Variants in DCAF5 observed in about 807,000 individuals in gnomAD.
DCAF5 encodes the protein DDB1 and CUL4 associated factor 5.
DCAF5 carries 9 observed loss-of-function variants against 80.7 expected under a neutral mutation model. The observed-to-expected ratio is 0.11, with a 90% confidence interval of 0.07 to 0.19. The LOEUF is 0.19. Among genes scored for constraint, DCAF5 ranks in the 10% least tolerant of loss-of-function variants. The probability of loss-of-function intolerance (pLI) is 1.00; values close to 1 mark genes in which losing one functional copy is unlikely to be tolerated. For synonymous variants in DCAF5, 433 were observed against 461.9 expected (o/e 0.94, Z 0.80); for missense variants, 842 against 1,205.7 (o/e 0.70, Z 4.47).
chr14:69,071,164 A>G (rs867183154), intron 7 of DCAF5, among the ~76,000 whole-genome samples: 5 of 152,148 alleles, frequency 3.3e-5, no homozygotes, highest in Admixed American at 6.5e-5. Context: ...ATTGGACCTG[A>G]TCTTCCCTGG....
Position 69,055,755 on chromosome 14 carries a change from T to A in DCAF5, c.1075-144A>T, listed in dbSNP as rs1217718176. ...ACTTGCTAACCAACTTAAAAATAAGTTCTTTACCAGACTGGATCATGTGGG... is the reference window on the plus strand; with the variant it reads ...ACTTGCTAACCAACTTAAAAATAAGATCTTTACCAGACTGGATCATGTGGG... On this transcript the variant is annotated intron_variant, in intron 8 of 8. Coordinates refer to ENST00000341516, the MANE Select transcript of DCAF5 (RefSeq NM_003861.3). This position sits in a 1 kb window ranked among gnomAD's most constrained non-coding sequence, Gnocchi z 5.6. The A allele has an allele frequency of 1.2e-6, 1 of 841,144 alleles. No homozygotes were observed. The highest frequency in any genetic ancestry group is 1.8e-6 in the Non-Finnish European group (1 of 550,388). The allele number at this position is 841,144 out of a possible 1,614,324, so 52.1% of individuals were successfully genotyped here. A position where few individuals can be genotyped will look rare whatever the true frequency, so the allele number is the denominator to read the frequency against.
chr14:69,099,581 A>G (rs189025999), intron 5 of DCAF5, among the ~76,000 whole-genome samples: 1 of 152,300 alleles, frequency 6.6e-6, no homozygotes, highest in Admixed American at 6.5e-5. Flanking sequence ...TCCATGTGCT[A>G]ATCATGTAAG....
Position 69,054,478 on chromosome 14 carries a change from C to T in DCAF5, c.2208G>A (p.Glu736=), listed in dbSNP as rs769538723. Residue 736 remains glutamate, a synonymous_variant, in exon 9 of 9, where the codon GAG becomes GAA. Coordinates refer to ENST00000341516, the MANE Select transcript of DCAF5 (RefSeq NM_003861.3). ...EGCSKDTFKE[E]TPRTPSNGPG... is the part of the protein sequence containing the mutation. ...GGCCATTGCTGGGAGTTCTAGGAGTCTCTTCTTTAAAAGTGTCCTTGCTGC... is the reference window on the plus strand; with the variant it reads ...GGCCATTGCTGGGAGTTCTAGGAGTTTCTTCTTTAAAAGTGTCCTTGCTGC... 5.0e-5 allele frequency: 80 copies of T among 1,614,000 alleles called. No homozygotes were observed. Among genetic ancestry groups the T allele is most frequent in the Non-Finnish European group, 6.4e-5 (75 of 1,180,024 alleles).
chr14:69,134,395 G>GA (rs1319204066), intron 1 of DCAF5, among the ~76,000 whole-genome samples: 2 of 152,282 alleles, frequency 1.3e-5, no homozygotes, highest in Middle Eastern at 3.4e-3. Context: ...AGTCAACTTA[G>GA]AAAAAATGTT....
At chr14:69,102,258 G>A (rs983955480) in intron 5 of DCAF5, among the ~76,000 whole-genome samples, 6 of 151,580 alleles carry the variant, frequency 4.0e-5, no homozygotes, top group Admixed American at 3.3e-4. Context: ...ACAGGCACAC[G>A]TCACCATGCC....
intron 1 of DCAF5, among the ~76,000 whole-genome samples, chr14:69,125,457 T>C (rs2040844983): frequency 6.6e-6 from 1 of 152,144 alleles, no homozygotes. Flanking sequence ...AAAACTCCAA[T>C]AGGAAAAGAG....
At chr14:69,069,453 G>C (rs376757505) in intron 7 of DCAF5, among the ~76,000 whole-genome samples, 1 of 152,226 alleles carries the variant, frequency 6.6e-6, no homozygotes, top group South Asian at 2.1e-4. Flanking sequence ...TTTAAAAAGG[G>C]AGAAGGCCTT....
chr14:69,116,921 T>C (rs1033809880), intron 4 of DCAF5, among the ~76,000 whole-genome samples: 8 of 152,112 alleles, frequency 5.3e-5, no homozygotes, highest in African/African-American at 1.9e-4. Flanking sequence ...ATGCACAGAT[T>C]TGATGAAGAT....
At chr14:69,120,628 C>T (rs779150946) in intron 2 of DCAF5, among the ~76,000 whole-genome samples, 1 of 152,138 alleles carries the variant, frequency 6.6e-6, no homozygotes, top group Non-Finnish European at 1.5e-5. Context: ...CCAACAGTCA[C>T]TTAAATAGAA....
In DCAF5 at chr14:69,055,639, A is replaced by G. The variant is rs756417324; in HGVS notation, c.1075-28T>C. 6.4e-7 allele frequency: 1 copy of G among 1,568,032 alleles called. No individual in the cohort carries two copies. ...GAACAGAAAATGAAAAACAAAAGCA[A>G]CAAGGAGTAACTGGAAAGTATTCTT... On this transcript the variant is annotated intron_variant, in intron 8 of 8. Coordinates refer to ENST00000341516, the MANE Select transcript of DCAF5 (RefSeq NM_003861.3). This position sits in a 1 kb window ranked among gnomAD's most constrained non-coding sequence, Gnocchi z 5.6.
At chr14:69,057,805 T>C (rs2038033381) in intron 8 of DCAF5, among the ~76,000 whole-genome samples, 1 of 152,008 alleles carries the variant, frequency 6.6e-6, no homozygotes, top group South Asian at 2.1e-4. Context: ...TCTCATCCAA[T>C]CCTAAGATTC....
Position 69,152,488 on chromosome 14 carries a change from C to T in DCAF5, c.214+277G>A, listed in dbSNP as rs2041738549. 2.8e-6 allele frequency: 1 copy of T among 353,718 alleles called. No homozygotes were observed. The highest frequency in any genetic ancestry group is 2.1e-5 in the African/African-American group (1 of 47,478). 21.9% of individuals were successfully genotyped at this position (353,718 alleles called of 1,614,324 possible). ...TAACCTCGCCCCCCTCCCCGACCTA[C>T]ACTTTCAGGGCAGGCATCAGGAGAG... On this transcript the variant is annotated intron_variant, in intron 1 of 8. Coordinates refer to ENST00000341516, the MANE Select transcript of DCAF5 (RefSeq NM_003861.3). The surrounding 1 kb of genome is among the most constrained non-coding windows in gnomAD (Gnocchi z 4.1).
At chr14:69,079,619 T>G (rs1477251860) in intron 6 of DCAF5, among the ~76,000 whole-genome samples, 2 of 152,102 alleles carry the variant, frequency 1.3e-5, no homozygotes, top group African/African-American at 2.4e-5. Context: ...CTGCTGACTA[T>G]AAGGACAGAA....
intron 1 of DCAF5, among the ~76,000 whole-genome samples, chr14:69,138,645 C>G (rs2041264548): frequency 6.6e-6 from 1 of 152,230 alleles, no homozygotes; most frequent in South Asian, 2.1e-4. Context: ...GTACTACTCA[C>G]TAGTTGTAAC....
At chr14:69,085,179 G>C (rs567732127) in intron 6 of DCAF5, 1 of 734,104 alleles carries the variant, frequency 1.4e-6, no homozygotes, top group African/African-American at 1.7e-5. Flanking sequence ...GATCTTTAAT[G>C]TTTAATAACT....
chr14:69,085,451 T>C (rs1359146810), intron 6 of DCAF5: 1 of 418,928 alleles, frequency 2.4e-6, no homozygotes. Context: ...CCTCCCTTGA[T>C]TTAACAGGAT....
Position 69,053,788 on chromosome 14 carries a change from T to C in DCAF5, c.*69A>G. The C allele has an allele frequency of 4.2e-6, 6 of 1,444,814 alleles. No individual in the cohort carries two copies. The highest frequency in any genetic ancestry group is 1.4e-5 in the South Asian group (1 of 71,848). The allele number at this position is 1,444,814 out of a possible 1,614,324, so 89.5% of individuals were successfully genotyped here. The stretch of plus-strand genomic sequence containing the variant: ...TAATACTTGTTTTTCCTTTCCTCTG[T>C]ATTCACTAAACAATTTTTTTTTTTT... On this transcript the variant is annotated 3_prime_UTR_variant, in exon 9 of 9. Transcript: ENST00000341516.
At chr14:69,076,486 AC>A (rs2038903283) in intron 6 of DCAF5, among the ~76,000 whole-genome samples, 1 of 152,272 alleles carries the variant, frequency 6.6e-6, no homozygotes, top group Non-Finnish European at 1.5e-5. Context: ...GACACATGCT[AC>A]AACATGGATA....
At chr14:69,114,289 G>T (rs552408354) in intron 5 of DCAF5, among the ~76,000 whole-genome samples, 24 of 152,260 alleles carry the variant, frequency 1.6e-4, no homozygotes, top group Non-Finnish European at 3.1e-4. Flanking sequence ...CAGGTTAAAT[G>T]TAACATTGTT....
Sources: gnomAD v4.1 joint callset for allele counts (sites outside exome capture counted in the v4.1 genomes callset) on GRCh38, gnomAD v4.1.1 for gene constraint, Gnocchi (gnomAD v3.1) non-coding constraint, MANE v1.5 for transcripts, NCBI Gene and HGNC (gene_info 2026-07-23, HGNC 2026-07-21) for gene names.